The following RNASET2 variants were observed in gnomAD, a reference collection of about 807,000 sequenced individuals.
RNASET2 encodes ribonuclease 6.
In RNASET2, 28 loss-of-function variants were observed where a neutral mutation model predicts 33.9. That is an observed-to-expected ratio of 0.83 (90% CI 0.61 to 1.13). RNASET2 has a LOEUF of 1.13. Among genes scored for constraint, RNASET2 ranks in the 50% most tolerant of loss-of-function variants. RNASET2 has a pLI of 0.00. For missense variants in RNASET2, 330 were observed against 319.9 expected (o/e 1.03, Z -0.24); for synonymous variants, 123 against 121.0 (o/e 1.02, Z -0.11).
chr6:166,926,982 C>T lies in RNASET2; in HGVS notation c.*2606G>A, dbSNP rs1583210217. On this transcript the variant is annotated 3_prime_UTR_variant, in exon 9 of 9. Coordinates refer to ENST00000508775, the MANE Select transcript of RNASET2 (RefSeq NM_003730.6). Reference sequence around the variant, plus strand: ...CCCTGGGAGACACTTGTACCCCCAGCTCTGATCCCAGAGCCTGGCCTGCTC... The same window carrying T: ...CCCTGGGAGACACTTGTACCCCCAGTTCTGATCCCAGAGCCTGGCCTGCTC... Among the ~76,000 whole-genome samples the T allele has an allele frequency of 6.6e-6, 1 of 152,184 alleles. No homozygotes were observed. The highest frequency in any genetic ancestry group is 1.9e-4 in the East Asian group (1 of 5,188).
In RNASET2 at chr6:166,933,923, A is replaced by C; in HGVS notation, c.492+168T>G. 3.0e-6 allele frequency: 2 copies of C among 671,952 alleles called. No homozygotes were observed. 41.6% of individuals were successfully genotyped at this position (671,952 alleles called of 1,614,324 possible). On this transcript the variant is annotated intron_variant, in intron 7 of 8. Transcript: ENST00000508775. This position sits in a 1 kb window ranked among gnomAD's most constrained non-coding sequence, Gnocchi z 4.1. ...AAGCAGCCTTCAGCTCCTACTCAAC[A>C]TGCGCAGGAAAATAAAATGCAAATA...
chr6:166,941,483 C>T (rs1270552818), intron 5 of RNASET2, among the ~76,000 whole-genome samples: 1 of 152,100 alleles, frequency 6.6e-6, no homozygotes, highest in Non-Finnish European at 1.5e-5. Flanking sequence ...TCTTCCATTC[C>T]AACTTATCAT....
At chr6:166,942,381 G>T (rs1190455123) in intron 5 of RNASET2, among the ~76,000 whole-genome samples, 1 of 152,150 alleles carries the variant, frequency 6.6e-6, no homozygotes, top group African/African-American at 2.4e-5. Context: ...TTGAAGACAG[G>T]AGCACAATTT....
chr6:166,949,252 T>A (rs1469277926), intron 2 of RNASET2, among the ~76,000 whole-genome samples: 2 of 130,906 alleles, frequency 1.5e-5, no homozygotes, highest in African/African-American at 5.8e-5. Context: ...GCCTGTAATC[T>A]CAGCACTTTG....
At chr6:166,955,451 A>C in intron 1 of RNASET2, 1 of 984,290 alleles carries the variant, frequency 1.0e-6, no homozygotes, top group Non-Finnish European at 1.2e-6. Flanking sequence ...AAGGGAAGGG[A>C]TTCAGAACAG....
rs1191187225 is a variant in RNASET2, at chr6:166,924,170, C to T, written c.*5418G>A. ...GGAGTGCAATGGTGTGATTTCGGCT[C>T]ACTGCAACCTCTGCCTCCTGGCTTC... On this transcript the variant is annotated 3_prime_UTR_variant, in exon 9 of 9. Coordinates refer to ENST00000508775, the MANE Select transcript of RNASET2 (RefSeq NM_003730.6). 6.6e-6 allele frequency among the ~76,000 whole-genome samples: 1 copy of T among 152,174 alleles called. No individual in the cohort carries two copies. Among genetic ancestry groups the T allele is most frequent in the East Asian group, 1.9e-4 (1 of 5,192 alleles).
At chr6:166,932,678 C>G (rs1435924874) in intron 7 of RNASET2, 3 of 152,244 alleles carry the variant, frequency 2.0e-5, no homozygotes, top group African/African-American at 7.2e-5. Flanking sequence ...AAGGACAGGA[C>G]TCCGAGTATC....
At position 166,946,724 on chromosome 6, in the gene RNASET2, T is replaced by C; in HGVS notation, c.219A>G (p.Glu73=). The part of the protein sequence containing the change: ...TIHGLWPDKS[E]GCNRSWPFNL... ...TGAAGGGCCACGATCTATTACATCC[T>C]TCACTTTTATCGGGCCTGGAAATTC... The change falls in exon 4 of 9, where the codon GAA becomes GAG. Residue 73 remains glutamate (E), a synonymous_variant. Coordinates refer to ENST00000508775, the MANE Select transcript of RNASET2 (RefSeq NM_003730.6). 1 of 1,567,242 alleles carries C rather than the reference T, an allele frequency of 6.4e-7. No individual in the cohort carries two copies. The highest frequency in any genetic ancestry group is 8.7e-7 in the Non-Finnish European group (1 of 1,147,912).
In RNASET2 at chr6:166,940,399, C is replaced by T. The variant is rs114719545; in HGVS notation, c.333-1391G>A. Among the ~76,000 whole-genome samples, 663 of 152,246 alleles carry T rather than the reference C, an allele frequency of 4.4e-3. 6 individuals carry two copies. Among genetic ancestry groups the T allele is most frequent in the African/African-American group, 0.015 (637 of 41,530 alleles). On this transcript the variant is annotated intron_variant, in intron 5 of 8. Coordinates refer to ENST00000508775, the MANE Select transcript of RNASET2 (RefSeq NM_003730.6). ...AATGATGAAAAGTTGAAAACAGGAACGATGAAAGTGGATGAGTAACTGTCT... is the reference window on the plus strand; with the variant it reads ...AATGATGAAAAGTTGAAAACAGGAATGATGAAAGTGGATGAGTAACTGTCT...
chr6:166,950,385 C>T (rs1232882016), intron 2 of RNASET2, among the ~76,000 whole-genome samples: 1 of 152,238 alleles, frequency 6.6e-6, no homozygotes, highest in East Asian at 1.9e-4. Context: ...GTCTGCAAAA[C>T]TGAAAACGGG....
In RNASET2 at chr6:166,923,614, G is replaced by GA. The variant is rs542151171; in HGVS notation, c.*5973dup. ...ATGGAAGGCCCATTACAGTCACTCA[G>GA]AAAAAAAAAATAGAATTCTTATCAG... On this transcript the variant is annotated 3_prime_UTR_variant, in exon 9 of 9. Transcript: ENST00000508775. Among the ~76,000 whole-genome samples the GA allele has an allele frequency of 1.1e-3, 161 of 146,676 alleles. 1 individual carries two copies. The highest frequency in any genetic ancestry group is 1.1e-3 in the Non-Finnish European group (71 of 66,486).
At chr6:166,934,565 G>A (rs370978945) in intron 6 of RNASET2, 13 of 233,072 alleles carry the variant, frequency 5.6e-5, no homozygotes, top group South Asian at 5.4e-4. Context: ...GTCAGTGAAG[G>A]CCTGCATGTA....
rs992976063 is a variant in RNASET2 at position 166,954,382 on chromosome 6, C to T, written c.86+1715G>A. Among the ~76,000 whole-genome samples the T allele has an allele frequency of 2.6e-5, 4 of 152,236 alleles. No individual in the cohort carries two copies. In the South Asian group the frequency reaches 6.2e-4, roughly 24 times the overall value. On this transcript the variant is annotated intron_variant, in intron 1 of 8. Transcript: ENST00000508775. ...GCCTGTTTTATGCTAATGTTTACTT[C>T]CAGCCAGACATCATTCCAAGTTACA...
At chr6:166,955,961 C>A in intron 1 of RNASET2, 136 bp downstream of exon 1, 1 of 1,103,050 alleles carries the variant, frequency 9.1e-7, no homozygotes, top group Non-Finnish European at 1.3e-6. Context: ...CCGGAGCGTG[C>A]TCGGCTCCCC....
chr6:166,951,561 C>T (rs1369662698), intron 2 of RNASET2, among the ~76,000 whole-genome samples: 1 of 152,254 alleles, frequency 6.6e-6, no homozygotes, highest in Non-Finnish European at 1.5e-5. Flanking sequence ...CCTCTAGTGG[C>T]CCTGTCCGGG....
rs1778504060 is a variant in RNASET2, at chr6:166,933,901, C to G, written c.492+190G>C. ...TGTGCTTCCAAATCACTGGTCTAAG[C>G]AGCCTTCAGCTCCTACTCAACATGC... On this transcript the variant is annotated intron_variant, in intron 7 of 8. Transcript: ENST00000508775. This position sits in a 1 kb window ranked among gnomAD's most constrained non-coding sequence, Gnocchi z 4.1. 2 of 627,994 alleles carry G rather than the reference C, an allele frequency of 3.2e-6. No individual in the cohort carries two copies. Among genetic ancestry groups the G allele is most frequent in the African/African-American group, 1.8e-5 (1 of 54,750 alleles). 38.9% of individuals were successfully genotyped at this position (627,994 alleles called of 1,614,324 possible).
rs1306641635 is a variant in RNASET2, at chr6:166,943,000, A to T, written c.332+19T>A. ...CGCTCAGACAGTAATCAAGACAGCA[A>T]TCAGAGGCTGGGACTTACCAGAAGC... On this transcript the variant is annotated intron_variant, in intron 5 of 8. Coordinates refer to ENST00000508775, the MANE Select transcript of RNASET2 (RefSeq NM_003730.6). 6.2e-7 allele frequency: 1 copy of T among 1,608,822 alleles called. No individual in the cohort carries two copies. Among genetic ancestry groups the T allele is most frequent in the Admixed American group, 1.7e-5 (1 of 59,968 alleles).
Position 166,926,533 on chromosome 6 carries a change from C to CAAAA in RNASET2, c.*3051_*3054dup, listed in dbSNP as rs11388348. Among the ~76,000 whole-genome samples the CAAAA allele has an allele frequency of 7.8e-6, 1 of 128,316 alleles. No homozygotes were observed. The highest frequency in any genetic ancestry group is 1.6e-5 in the Non-Finnish European group (1 of 61,860). The allele number at this position is 128,316 out of a possible 152,430, so 84.2% of individuals were successfully genotyped here. A position where few individuals can be genotyped will look rare whatever the true frequency, so the allele number is the denominator to read the frequency against. On this transcript the variant is annotated 3_prime_UTR_variant, in exon 9 of 9. Transcript: ENST00000508775. ...TGGGCGACAGAGTGAGACTCAGTCT[C>CAAAA]AAAAAAAAAAAAAAAGAAAAGAAAA...
chr6:166,931,087 A>G lies in RNASET2; in HGVS notation c.524T>C (p.Val175Ala), dbSNP rs1562493291. 1.2e-6 allele frequency: 2 copies of G among 1,612,444 alleles called. No individual in the cohort carries two copies. The highest frequency in any genetic ancestry group is 1.1e-5 in the South Asian group (1 of 91,046). ...CTGGATTTTGGGTATCACTCCATATACTCTGGCAAGGGCATCTTTAAAATC... is the reference window on the plus strand; with the variant it reads ...CTGGATTTTGGGTATCACTCCATATGCTCTGGCAAGGGCATCTTTAAAATC... ...VADFKDALARVYGVIPKIQCL... is the reference protein window; with the variant it reads ...VADFKDALARAYGVIPKIQCL... The change falls in exon 8 of 9, where the codon GTA (valine) becomes GCA (alanine). Residue 175 changes from valine to alanine, a missense_variant. Transcript: ENST00000508775.
Sources: gnomAD v4.1 joint callset for allele counts (sites outside exome capture counted in the v4.1 genomes callset) on GRCh38, gnomAD v4.1.1 for gene constraint, Gnocchi (gnomAD v3.1) non-coding constraint, MANE v1.5 for transcripts, NCBI Gene and HGNC (gene_info 2026-07-23, HGNC 2026-07-21) for gene names.